The following GOLM2 variants were observed in gnomAD, a reference collection of about 807,000 sequenced individuals.
The protein encoded by GOLM2 is golgi membrane protein 2, also known as protein GOLM2.
A neutral mutation model predicts 55.9 loss-of-function variants in GOLM2; 26 were observed. The observed-to-expected ratio is 0.47, with a 90% CI of 0.34 to 0.65. The LOEUF (loss-of-function observed/expected upper bound fraction) is 0.65. GOLM2 is among the 30% of genes least tolerant of loss of function. The probability of loss-of-function intolerance (pLI) is 0.01; values close to 1 mark genes in which losing one functional copy is unlikely to be tolerated. For missense variants in GOLM2, 486 were observed against 531.8 expected, an observed-to-expected ratio of 0.91 and a Z score of 0.85; for synonymous variants, 165 against 194.6, an observed-to-expected ratio of 0.85 and a Z score of 1.27.
chr15:44,310,489 T>G (rs376427206), intron 1 of GOLM2, among the ~76,000 whole-genome samples: 2 of 131,978 alleles, frequency 1.5e-5, no homozygotes, highest in African/African-American at 6.9e-5. Context: ...TATATATATA[T>G]ACACACACAC....
chr15:44,291,085 G>A (rs1457305386), intron 1 of GOLM2, among the ~76,000 whole-genome samples: 1 of 150,202 alleles, frequency 6.7e-6, no homozygotes, highest in Non-Finnish European at 1.5e-5. Flanking sequence ...TTACAGGTGT[G>A]AGCCACCATG....
At chr15:44,369,723 C>CACAT (rs1555425016) in intron 6 of GOLM2, among the ~76,000 whole-genome samples, 29 of 140,636 alleles carry the variant, frequency 2.1e-4, no homozygotes, top group Middle Eastern at 3.7e-3. Flanking sequence ...CACACACACA[C>CACAT]ATATATATAT....
At chr15:44,312,856 G>A (rs1362421524) in intron 1 of GOLM2, among the ~76,000 whole-genome samples, 1 of 152,038 alleles carries the variant, frequency 6.6e-6, no homozygotes, top group Non-Finnish European at 1.5e-5. Flanking sequence ...CGAGGCAGGC[G>A]GATCACGAGG....
intron 6 of GOLM2, among the ~76,000 whole-genome samples, chr15:44,375,479 T>G (rs1013733600): frequency 6.6e-6 from 1 of 152,234 alleles, no homozygotes; most frequent in South Asian, 2.1e-4. Flanking sequence ...AGTACTTTCT[T>G]ATCTGAAGAT....
chr15:44,366,151 G>A (rs1309498316), intron 6 of GOLM2, among the ~76,000 whole-genome samples: 1 of 152,024 alleles, frequency 6.6e-6, no homozygotes, highest in Non-Finnish European at 1.5e-5. Context: ...CAAAAAATTA[G>A]CTGGGCGTGG....
intron 8 of GOLM2, among the ~76,000 whole-genome samples, chr15:44,397,084 GGC>G (rs1451601175): frequency 6.6e-6 from 1 of 152,010 alleles, no homozygotes; most frequent in Non-Finnish European, 1.5e-5. Context: ...CCCCTAGCTG[GGC>G]ACAGATTTAA....
At chr15:44,370,621 G>T (rs373048408) in intron 6 of GOLM2, among the ~76,000 whole-genome samples, 1 of 152,214 alleles carries the variant, frequency 6.6e-6, no homozygotes, top group East Asian at 1.9e-4. Flanking sequence ...GAATACCGAA[G>T]ATGGTTGGTG....
chr15:44,358,665 C>T (rs2079213820), intron 6 of GOLM2, among the ~76,000 whole-genome samples: 1 of 152,062 alleles, frequency 6.6e-6, no homozygotes, highest in Non-Finnish European at 1.5e-5. Context: ...AAAAATGAAT[C>T]TAGACATAGA....
intron 8 of GOLM2, among the ~76,000 whole-genome samples, chr15:44,396,655 G>A (rs1567043392): frequency 6.6e-6 from 1 of 152,100 alleles, no homozygotes; most frequent in South Asian, 2.1e-4. Context: ...GTTGTTTAGC[G>A]TGAATTGAAA....
At chr15:44,335,449 A>G (rs2079050312) in intron 4 of GOLM2, among the ~76,000 whole-genome samples, 1 of 152,220 alleles carries the variant, frequency 6.6e-6, no homozygotes, top group African/African-American at 2.4e-5. Context: ...AACTATTTTC[A>G]ATGGAAAAGT....
chr15:44,325,614 G>T (rs971468663), intron 2 of GOLM2, among the ~76,000 whole-genome samples: 1 of 152,214 alleles, frequency 6.6e-6, no homozygotes, highest in African/African-American at 2.4e-5. Context: ...TCTCTTTCTG[G>T]TAGTTGTTAA....
At chr15:44,386,319 C>A (rs1213277873) in intron 8 of GOLM2, among the ~76,000 whole-genome samples, 1 of 152,136 alleles carries the variant, frequency 6.6e-6, no homozygotes, top group Non-Finnish European at 1.5e-5. Flanking sequence ...ATCTTGGTAT[C>A]CTTGTCAAAA....
At chr15:44,312,068 C>T (rs890101379) in intron 1 of GOLM2, among the ~76,000 whole-genome samples, 4 of 152,082 alleles carry the variant, frequency 2.6e-5, no homozygotes, top group African/African-American at 9.7e-5. Context: ...AATTGTTCTC[C>T]AACTTTATCT....
chr15:44,301,130 G>A (rs1360600002), intron 1 of GOLM2, among the ~76,000 whole-genome samples: 1 of 152,036 alleles, frequency 6.6e-6, no homozygotes, highest in Admixed American at 6.6e-5. Flanking sequence ...CTCATTTGAT[G>A]ATTAACAAAG....
chr15:44,306,610 C>A (rs2141115712), intron 1 of GOLM2, among the ~76,000 whole-genome samples: 1 of 152,228 alleles, frequency 6.6e-6, no homozygotes, highest in South Asian at 2.1e-4. Flanking sequence ...AGAGGCCTAG[C>A]TTTTGGCCTG....
rs374011324 is a variant in GOLM2, at chr15:44,359,702, T to C, written c.803-19988T>C. 9.3e-3 allele frequency among the ~76,000 whole-genome samples: 1,417 copies of C among 152,108 alleles called. 20 individuals are homozygous for C. The highest frequency in any genetic ancestry group is 0.043 in the East Asian group (220 of 5,158). ...ATTCAGATTCAGGAAATACAGAGAA[T>C]GCCACAAAGATACTCCTCGAGAAGA... On this transcript the variant is annotated intron_variant, in intron 6 of 9. Coordinates refer to ENST00000299957, the MANE Select transcript of GOLM2 (RefSeq NM_138423.4).
chr15:44,329,277 C>T (rs1316839302), intron 3 of GOLM2, among the ~76,000 whole-genome samples: 1 of 152,104 alleles, frequency 6.6e-6, no homozygotes, highest in Non-Finnish European at 1.5e-5. Flanking sequence ...CTAGCAATCA[C>T]GCCTTAAAAC....
intron 9 of GOLM2, among the ~76,000 whole-genome samples, chr15:44,408,733 T>G (rs2079613954): frequency 6.6e-6 from 1 of 151,968 alleles, no homozygotes; most frequent in South Asian, 2.1e-4. Flanking sequence ...AATCCCAGCA[T>G]TTTGGGAGGC....
At chr15:44,376,565 A>T (rs2079366199) in intron 6 of GOLM2, among the ~76,000 whole-genome samples, 1 of 152,222 alleles carries the variant, frequency 6.6e-6, no homozygotes, top group Non-Finnish European at 1.5e-5. Flanking sequence ...GTGATTTTTT[A>T]AATTAAAAAG....
Sources: gnomAD v4.1 joint callset for allele counts (sites outside exome capture counted in the v4.1 genomes callset) on GRCh38, gnomAD v4.1.1 for gene constraint, MANE v1.5 for transcripts, NCBI Gene and HGNC (gene_info 2026-07-23, HGNC 2026-07-21) for gene names.